Variants in CNTNAP5 observed in about 807,000 individuals in gnomAD.
CNTNAP5 encodes contactin-associated protein-like 5.
In CNTNAP5, 72 loss-of-function variants were observed where a neutral mutation model predicts 150.2. The observed-to-expected ratio is 0.48, with a 90% CI of 0.40 to 0.58. The LOEUF (loss-of-function observed/expected upper bound fraction) is 0.58. Among genes scored for constraint, CNTNAP5 ranks in the 20% least tolerant of loss-of-function variants. CNTNAP5 has a pLI of 0.00. For synonymous variants in CNTNAP5, 672 were observed against 619.8 expected (o/e 1.08, Z -1.25); for missense variants, 1,636 against 1,626.2 (o/e 1.01, Z -0.10).
At chr2:124,599,485 G>T (rs1558698654) in intron 11 of CNTNAP5, among the ~76,000 whole-genome samples, 2 of 151,954 alleles carry the variant, frequency 1.3e-5, no homozygotes, top group Non-Finnish European at 2.9e-5. Context: ...TTAAAATTTT[G>T]TGATTGATAT....
At chr2:124,163,506 C>G (rs1684737046) in intron 1 of CNTNAP5, among the ~76,000 whole-genome samples, 1 of 152,024 alleles carries the variant, frequency 6.6e-6, no homozygotes, top group African/African-American at 2.4e-5. Flanking sequence ...GAAGATGCTT[C>G]AGGACAGAAA....
At chr2:124,145,561 G>A (rs1215961550) in intron 1 of CNTNAP5, among the ~76,000 whole-genome samples, 4 of 46,878 alleles carry the variant, frequency 8.5e-5, no homozygotes, top group East Asian at 5.7e-4. Context: ...ACCAAACACC[G>A]CATATTCTCA....
intron 1 of CNTNAP5, among the ~76,000 whole-genome samples, chr2:124,201,257 C>A (rs1193104866): frequency 6.6e-6 from 1 of 152,068 alleles, no homozygotes; most frequent in African/African-American, 2.4e-5. Flanking sequence ...TACTTTTAAA[C>A]CTAGCCAAAA....
At chr2:124,114,998 A>G (rs968324598) in intron 1 of CNTNAP5, among the ~76,000 whole-genome samples, 7 of 151,946 alleles carry the variant, frequency 4.6e-5, no homozygotes, top group African/African-American at 1.4e-4. Flanking sequence ...ATTTAGCTCT[A>G]TATATCTAGA....
At chr2:124,335,768 C>A (rs1453067990) in intron 3 of CNTNAP5, among the ~76,000 whole-genome samples, 1 of 151,784 alleles carries the variant, frequency 6.6e-6, no homozygotes, top group Non-Finnish European at 1.5e-5. Context: ...GCTTGTCAGT[C>A]CTAGGTTTTC....
rs151278546 is a variant in CNTNAP5 at position 124,227,935 on chromosome 2, C to T, written c.187+6126C>T. 3.0e-3 allele frequency among the ~76,000 whole-genome samples: 451 copies of T among 151,948 alleles called. 1 individual carries two copies. The highest frequency in any genetic ancestry group is 9.8e-3 in the African/African-American group (408 of 41,452). On this transcript the variant is annotated intron_variant, in intron 2 of 23. Coordinates refer to ENST00000682447, the MANE Select transcript of CNTNAP5 (RefSeq NM_001367498.1). ...ACGCACACACAAATACATATATACA[C>T]GCACACACACACATATACACATATA...
intron 1 of CNTNAP5, among the ~76,000 whole-genome samples, chr2:124,205,310 C>T (rs953548598): frequency 6.6e-6 from 1 of 152,132 alleles, no homozygotes; most frequent in African/African-American, 2.4e-5. Context: ...TCTCTCCTGC[C>T]ACCAAGTGAA....
At chr2:124,513,933 T>A (rs1694649552) in intron 8 of CNTNAP5, among the ~76,000 whole-genome samples, 1 of 152,222 alleles carries the variant, frequency 6.6e-6, no homozygotes, top group South Asian at 2.1e-4. Context: ...CTAGCCACCA[T>A]CTGCACATCA....
At chr2:124,789,026 T>C (rs1156435353) in intron 17 of CNTNAP5, among the ~76,000 whole-genome samples, 1 of 152,220 alleles carries the variant, frequency 6.6e-6, no homozygotes, top group African/African-American at 2.4e-5. Context: ...GGTAATTCCA[T>C]GGTCAATATG....
At chr2:124,457,486 T>C (rs1693148581) in intron 6 of CNTNAP5, among the ~76,000 whole-genome samples, 2 of 152,154 alleles carry the variant, frequency 1.3e-5, no homozygotes, top group Non-Finnish European at 2.9e-5. Flanking sequence ...CATCAAAAAG[T>C]GTGCTAAGGA....
intron 8 of CNTNAP5, among the ~76,000 whole-genome samples, chr2:124,516,642 T>A (rs1694725580): frequency 6.6e-6 from 1 of 152,234 alleles, no homozygotes; most frequent in African/African-American, 2.4e-5. Flanking sequence ...GCTGTCTTTT[T>A]GCTCTTGTGT....
chr2:124,159,771 T>G (rs544356338), intron 1 of CNTNAP5, among the ~76,000 whole-genome samples: 1 of 152,270 alleles, frequency 6.6e-6, no homozygotes, highest in Admixed American at 6.5e-5. Context: ...CACTCAATTC[T>G]GAAGTCACTA....
chr2:124,413,344 C>G (rs1308977159), intron 3 of CNTNAP5, among the ~76,000 whole-genome samples: 1 of 151,136 alleles, frequency 6.6e-6, no homozygotes, highest in Non-Finnish European at 1.5e-5. Context: ...GGATCTAGAA[C>G]TAGAAATATC....
intron 13 of CNTNAP5, among the ~76,000 whole-genome samples, chr2:124,725,696 T>C (rs1328290918): frequency 1.3e-5 from 2 of 152,062 alleles, no homozygotes; most frequent in Non-Finnish European, 2.9e-5. Flanking sequence ...AACTTTGTAC[T>C]CTTCGAACGA....
intron 13 of CNTNAP5, among the ~76,000 whole-genome samples, chr2:124,729,975 A>G (rs745748890): frequency 6.6e-6 from 1 of 152,142 alleles, no homozygotes; most frequent in Non-Finnish European, 1.5e-5. Context: ...AGATCCTAGA[A>G]GGCAGCCTCT....
At chr2:124,072,400 G>T (rs1239737641) in intron 1 of CNTNAP5, among the ~76,000 whole-genome samples, 4 of 151,908 alleles carry the variant, frequency 2.6e-5, no homozygotes, top group South Asian at 2.1e-4. Flanking sequence ...ACAAGGGAAA[G>T]AAATAGAACA....
chr2:124,155,008 A>T (rs560093072), intron 1 of CNTNAP5, among the ~76,000 whole-genome samples: 3 of 151,154 alleles, frequency 2.0e-5, no homozygotes, highest in Admixed American at 6.6e-5. Flanking sequence ...ACAGATGGCC[A>T]TGCAAGCCTC....
intron 13 of CNTNAP5, among the ~76,000 whole-genome samples, chr2:124,713,299 T>C (rs374505169): frequency 1.2e-3 from 154 of 123,434 alleles, no homozygotes; most frequent in Admixed American, 2.7e-3. Context: ...CTTTCTTTCT[T>C]TCTTCTTTCT....
chr2:124,461,304 T>G (rs562454558), intron 6 of CNTNAP5, among the ~76,000 whole-genome samples: 1 of 151,914 alleles, frequency 6.6e-6, no homozygotes, highest in African/African-American at 2.4e-5. Flanking sequence ...TAGACTGGAT[T>G]AAGAAAATGT....
Sources: gnomAD v4.1 joint callset for allele counts (sites outside exome capture counted in the v4.1 genomes callset) on GRCh38, gnomAD v4.1.1 for gene constraint, MANE v1.5 for transcripts, NCBI Gene and HGNC (gene_info 2026-07-23, HGNC 2026-07-21) for gene names.